DNAJB12: variants seen among roughly 807,000 people sequenced by gnomAD.
The protein encoded by DNAJB12 is dnaJ homolog subfamily B member 12.
A neutral mutation model predicts 40.6 loss-of-function variants in DNAJB12; 14 were observed. That is an observed-to-expected ratio of 0.34 (90% confidence interval 0.23 to 0.54). DNAJB12 has a LOEUF of 0.54. Among genes scored for constraint, DNAJB12 ranks in the 20% least tolerant of loss-of-function variants. The pLI, the probability that DNAJB12 is intolerant of heterozygous loss-of-function variation, is 0.92. For missense variants in DNAJB12, 444 were observed against 501.7 expected (o/e 0.89, Z 1.10); for synonymous variants, 181 against 199.5 (o/e 0.91, Z 0.78).
In DNAJB12 at chr10:72,337,303, G is replaced by A. The variant is rs957652873; in HGVS notation, c.834-607C>T. ...CATCTGGCCACAGGGAGCCTGAGCC[G>A]GCGGCCAGGGTCCAGTGGACCGACT... On this transcript the variant is annotated intron_variant, in intron 6 of 8. Coordinates refer to ENST00000444643, the MANE Select transcript of DNAJB12 (RefSeq NM_017626.7). 5.9e-5 allele frequency among the ~76,000 whole-genome samples: 9 copies of A among 152,190 alleles called. No homozygotes were observed. In the South Asian group the frequency reaches 1.2e-3, roughly 21 times the overall value.
intron 5 of DNAJB12, among the ~76,000 whole-genome samples, chr10:72,339,389 C>A (rs1233652923): frequency 6.6e-6 from 1 of 151,970 alleles, no homozygotes. Flanking sequence ...CAAAAATTAG[C>A]TGGGTGTGGT....
intron 3 of DNAJB12, among the ~76,000 whole-genome samples, chr10:72,341,750 A>G (rs908299625): frequency 5.9e-5 from 9 of 152,074 alleles, no homozygotes; most frequent in African/African-American, 2.2e-4. Flanking sequence ...GGGATTATAG[A>G]CATAAGCCAC....
intron 3 of DNAJB12, 60 bp from the exon 4 acceptor site, chr10:72,341,230 T>G: frequency 6.6e-7 from 1 of 1,517,592 alleles, no homozygotes; most frequent in East Asian, 2.3e-5. Flanking sequence ...GAGGCTCCCA[T>G]GGCAGCCGAG....
chr10:72,339,593 C>T (rs1342708976), intron 5 of DNAJB12, among the ~76,000 whole-genome samples: 4 of 152,090 alleles, frequency 2.6e-5, no homozygotes, highest in Admixed American at 2.0e-4. Flanking sequence ...AAACCCCTTC[C>T]GCCTGGCCAG....
chr10:72,342,570 C>T (rs1461576236), intron 3 of DNAJB12, among the ~76,000 whole-genome samples: 1 of 152,192 alleles, frequency 6.6e-6, no homozygotes, highest in Admixed American at 6.5e-5. Flanking sequence ...TCCTCTGCCA[C>T]AGGCTCTCCA....
chr10:72,336,757 G>T (rs1411124223), intron 6 of DNAJB12, 61 bp from the exon 7 acceptor site: 5 of 1,483,416 alleles, frequency 3.4e-6, no homozygotes, highest in Admixed American at 1.7e-5. Context: ...CACTCTAGGG[G>T]TATGGGCCCC....
chr10:72,334,487 G>C lies in DNAJB12; in HGVS notation c.*161C>G, dbSNP rs1861411134. ...CTTTCTGCATTTACTGGGTGAGAGA[G>C]AGGGCAGCTGTGCAGCGTTCGGCCT... On this transcript the variant is annotated 3_prime_UTR_variant, in exon 9 of 9. Coordinates refer to ENST00000444643, the MANE Select transcript of DNAJB12 (RefSeq NM_017626.7). 7.3e-7 allele frequency: 1 copy of C among 1,362,344 alleles called. No individual in the cohort carries two copies. The highest frequency in any genetic ancestry group is 2.0e-5 in the Admixed American group (1 of 50,572). 84.4% of individuals were successfully genotyped at this position (1,362,344 alleles called of 1,614,324 possible).
chr10:72,337,531 C>T (rs374900560), intron 6 of DNAJB12, among the ~76,000 whole-genome samples: 1 of 152,222 alleles, frequency 6.6e-6, no homozygotes, highest in African/African-American at 2.4e-5. Flanking sequence ...CGAGACTAAG[C>T]ATTCATTAAA....
At chr10:72,342,499 C>A (rs912326359) in intron 3 of DNAJB12, among the ~76,000 whole-genome samples, 11 of 152,180 alleles carry the variant, frequency 7.2e-5, no homozygotes, top group Admixed American at 3.9e-4. Flanking sequence ...TACCTTGCTT[C>A]CCCCCACTCC....
At position 72,353,040 on chromosome 10, in the gene DNAJB12, G is replaced by T. The variant is rs1861972400; in HGVS notation, c.133+1725C>A. Reference sequence around the variant, plus strand: ...GGTAAAGTTTACACGGATGCATAAGGCGTATAGTCTCATAGTCTTTCCAGA... The same window carrying T: ...GGTAAAGTTTACACGGATGCATAAGTCGTATAGTCTCATAGTCTTTCCAGA... On this transcript the variant is annotated intron_variant, in intron 1 of 8. Transcript: ENST00000444643. Among the ~76,000 whole-genome samples, 2 of 152,352 alleles carry T rather than the reference G, an allele frequency of 1.3e-5. 1 individual carries two copies. Among genetic ancestry groups the T allele is most frequent in the African/African-American group, 4.8e-5 (2 of 41,566 alleles).
chr10:72,342,431 G>A (rs1384546690), intron 3 of DNAJB12, among the ~76,000 whole-genome samples: 3 of 152,218 alleles, frequency 2.0e-5, no homozygotes, highest in Non-Finnish European at 2.9e-5. Flanking sequence ...CTGGCCTCTC[G>A]GTACAGTCGG....
At position 72,344,993 on chromosome 10, in the gene DNAJB12, T is replaced by G. The variant is rs1268610560; in HGVS notation, c.268A>C (p.Ser90Arg). The stretch of plus-strand genomic sequence containing the variant: ...TGTTCTGCAGTGTAGCCTTTGGTGC[T>G]CTCTCCTCCAGCTTCACCGTTGGCC... ...PSANGEAGGE[S>R]TKGYTAEQVA... Residue 90 changes from serine (S) to arginine (R), a missense_variant, in exon 2 of 9, where the codon AGC (serine) becomes CGC (arginine). Coordinates refer to ENST00000444643, the MANE Select transcript of DNAJB12 (RefSeq NM_017626.7). 2 of 1,614,188 alleles carry G rather than the reference T, an allele frequency of 1.2e-6. No individual in the cohort carries two copies. The highest frequency in any genetic ancestry group is 1.7e-6 in the Non-Finnish European group (2 of 1,180,024).
chr10:72,354,076 C>G (rs1862000905), intron 1 of DNAJB12: 1 of 152,316 alleles, frequency 6.6e-6, no homozygotes, highest in African/African-American at 2.4e-5. Context: ...ACATGGCTGA[C>G]CGCCGCTGGA....
chr10:72,334,949 A>G (rs1861427732), intron 8 of DNAJB12: 2 of 1,177,426 alleles, frequency 1.7e-6, no homozygotes, highest in Non-Finnish European at 1.1e-6. Context: ...CGCTGGGAAC[A>G]GAGCCCAGCG....
At chr10:72,340,903 C>A (rs1426961166) in intron 4 of DNAJB12, 35 bp from the exon 5 acceptor site, 1 of 1,611,624 alleles carries the variant, frequency 6.2e-7, no homozygotes, top group African/African-American at 1.3e-5. Context: ...GGAGCCAGGT[C>A]TGTTGGGAAA....
chr10:72,347,237 A>G (rs1033305256), intron 1 of DNAJB12, among the ~76,000 whole-genome samples: 1 of 152,236 alleles, frequency 6.6e-6, no homozygotes, highest in Non-Finnish European at 1.5e-5. Flanking sequence ...CTGGGATTAC[A>G]GGCATGAGCC....
chr10:72,336,064 G>A, intron 7 of DNAJB12, 133 bp from the exon 8 acceptor site: 1 of 1,101,974 alleles, frequency 9.1e-7, no homozygotes, highest in Non-Finnish European at 1.3e-6. Flanking sequence ...CCTCCCATTA[G>A]GAAGACCATG....
intron 2 of DNAJB12, 123 bp from the exon 3 acceptor site, chr10:72,343,634 G>A: frequency 9.7e-7 from 1 of 1,034,022 alleles, no homozygotes; most frequent in East Asian, 2.4e-5. Flanking sequence ...GGGCAAGGCT[G>A]ACAGCTCCTT....
At chr10:72,338,180 C>T in intron 6 of DNAJB12, 22 bp downstream of exon 6, 1 of 1,605,842 alleles carries the variant, frequency 6.2e-7, no homozygotes, top group Non-Finnish European at 8.5e-7. Context: ...TGCCCATGGC[C>T]CGGCCTCACC....
Sources: allele counts gnomAD v4.1 joint callset (sites outside exome capture counted in the v4.1 genomes callset), GRCh38; gene constraint gnomAD v4.1.1; transcripts MANE v1.5; gene names NCBI Gene and HGNC (gene_info 2026-07-23, HGNC 2026-07-21).